ERICH6: variants seen among roughly 807,000 people sequenced by gnomAD.
The protein encoded by ERICH6 is glutamate-rich protein 6.
In ERICH6, 71 loss-of-function variants were observed where a neutral mutation model predicts 71.0. The ratio of observed to expected loss-of-function variants is 1.00; its 90% confidence interval spans 0.83 to 1.22. ERICH6 has a LOEUF of 1.22. ERICH6 is among the 50% of genes most tolerant of loss of function. The pLI is 0.00. For missense variants in ERICH6, 808 were observed against 797.2 expected (o/e 1.01, Z -0.16); for synonymous variants, 262 against 278.4 (o/e 0.94, Z 0.59).
intron 10 of ERICH6, among the ~76,000 whole-genome samples, chr3:150,675,143 A>G (rs539266912): frequency 7.9e-5 from 12 of 152,188 alleles, no homozygotes; most frequent in Non-Finnish European, 1.3e-4. Context: ...AAAAAATAAG[A>G]GGTAGGCTAA....
intron 1 of ERICH6, among the ~76,000 whole-genome samples, chr3:150,702,885 T>C (rs553079715): frequency 1.1e-5 from 1 of 92,674 alleles, no homozygotes; most frequent in East Asian, 6.1e-4. Flanking sequence ...CTGGAAATAA[T>C]ATGAGTGTGT....
chr3:150,673,194 C>T (rs1711531360), intron 11 of ERICH6, among the ~76,000 whole-genome samples: 1 of 150,180 alleles, frequency 6.7e-6, no homozygotes, highest in Non-Finnish European at 1.5e-5. Context: ...TCTCTTTCCT[C>T]TCTCTTTCTT....
At chr3:150,676,818 A>AAT (rs1219342401) in intron 10 of ERICH6, among the ~76,000 whole-genome samples, 32 of 145,014 alleles carry the variant, frequency 2.2e-4, no homozygotes, top group African/African-American at 7.8e-4. Flanking sequence ...TTAAAAAAAA[A>AAT]TTTTTTTTTT....
intron 13 of ERICH6, among the ~76,000 whole-genome samples, chr3:150,663,588 C>G (rs1356544188): frequency 6.6e-6 from 1 of 152,108 alleles, no homozygotes. Context: ...TATCCTTTCA[C>G]CTCAGCCTCC....
intron 3 of ERICH6, among the ~76,000 whole-genome samples, chr3:150,693,050 T>G (rs1712513795): frequency 6.6e-6 from 1 of 152,212 alleles, no homozygotes; most frequent in Non-Finnish European, 1.5e-5. Flanking sequence ...GATCCTTTGT[T>G]TTGTTTTTCA....
At position 150,678,536 on chromosome 3, in the gene ERICH6, G is replaced by A. The variant is rs1380983435; in HGVS notation, c.1130C>T (p.Thr377Ile). The change falls in exon 10 of 14, where the codon ACA becomes ATA. Residue 377 changes from threonine to isoleucine, a missense_variant. Thr to Ile is a moderately conservative substitution (Grantham distance 89). Coordinates refer to ENST00000295910, the MANE Select transcript of ERICH6 (RefSeq NM_152394.5). ...ATCCACAGAAAGTTGATAAGAAATT[G>A]TTTTTAAGCGCTTTGAATCTAGTGG... ...FSEDDSKRLK[T>I]ISYQLSVDIP... The A allele has an allele frequency of 1.3e-6, 2 of 1,598,454 alleles. No individual in the cohort carries two copies. Among genetic ancestry groups the A allele is most frequent in the Admixed American group, 1.8e-5 (1 of 55,284 alleles).
In ERICH6 at chr3:150,669,325, A is replaced by C; in HGVS notation, c.1470T>G (p.Ser490Arg). 6.2e-7 allele frequency: 1 copy of C among 1,611,602 alleles called. No homozygotes were observed. The highest frequency in any genetic ancestry group is 8.5e-7 in the Non-Finnish European group (1 of 1,179,106). Residue 490 changes from serine (S) to arginine (R), a missense_variant, in exon 12 of 14, where the codon AGT becomes AGG. Ser to Arg is a moderately radical substitution (Grantham distance 110, BLOSUM62 -1). Transcript: ENST00000295910. Reference sequence around the variant, plus strand: ...CATTTCCATTGGGATGATAGCAGGAACTTCTGCCAGAGGAATCCAGCACTG... The same window carrying C: ...CATTTCCATTGGGATGATAGCAGGACCTTCTGCCAGAGGAATCCAGCACTG... ...ILAVLDSSGR[S>R]SCYHPNGNVW...
chr3:150,680,661 C>T, intron 8 of ERICH6, 112 bp downstream of exon 8: 3 of 1,552,088 alleles, frequency 1.9e-6, no homozygotes, highest in Non-Finnish European at 2.6e-6. Flanking sequence ...ACTTGTGAAT[C>T]TAGGAAATAC....
In ERICH6 at chr3:150,660,065, A is replaced by G. The variant is rs1395712025; in HGVS notation, c.1819T>C (p.Phe607Leu). ...TTCACACATCCTTCAAGTTTATGAA[A>G]CAGGCGACGGATCTTTATTAAACTG... ...LASLIKIRRL[F>L]HKLEGCVNFP... Residue 607 changes from phenylalanine to leucine, a missense_variant, in exon 14 of 14, where the codon TTT (phenylalanine) becomes CTT (leucine). By Grantham distance (22) the Phe-to-Leu change is conservative. This residue lies in a region of ERICH6 where 736 missense variants were observed against 712.2 expected (regional missense o/e 1.03). Coordinates refer to ENST00000295910, the MANE Select transcript of ERICH6 (RefSeq NM_152394.5). The G allele has an allele frequency of 3.1e-6, 5 of 1,614,126 alleles. No individual in the cohort carries two copies. The highest frequency in any genetic ancestry group is 4.2e-6 in the Non-Finnish European group (5 of 1,180,028).
intron 7 of ERICH6, 72 bp downstream of exon 7, chr3:150,682,146 A>G: frequency 1.5e-6 from 2 of 1,292,174 alleles, no homozygotes; most frequent in Middle Eastern, 1.9e-4. Flanking sequence ...TGCAGGGGAA[A>G]GATGCAAGAG....
chr3:150,688,862 C>T (rs1339267573), intron 3 of ERICH6, among the ~76,000 whole-genome samples: 1 of 152,204 alleles, frequency 6.6e-6, no homozygotes. Flanking sequence ...TAAAACCAAA[C>T]TGTGCTCTGA....
intron 3 of ERICH6, among the ~76,000 whole-genome samples, chr3:150,688,643 A>G (rs1712294698): frequency 6.6e-6 from 1 of 152,238 alleles, no homozygotes; most frequent in Non-Finnish European, 1.5e-5. Flanking sequence ...GCCTCTGCTC[A>G]CTGAGATTAA....
rs970042307 is a variant in ERICH6, at chr3:150,702,238, C to T, written c.404-60G>A. ...CTCTAAATCAAAAGGTCAATTCTAC[C>T]CCCCCCAGGAACACATGGCAATGTC... On this transcript the variant is annotated intron_variant, in intron 1 of 13. Coordinates refer to ENST00000295910, the MANE Select transcript of ERICH6 (RefSeq NM_152394.5). The T allele has an allele frequency of 1.7e-5, 18 of 1,032,760 alleles. 1 individual carries two copies. In the Admixed American group the frequency reaches 3.3e-4, roughly 19 times the overall value. 64.0% of individuals were successfully genotyped at this position (1,032,760 alleles called of 1,614,324 possible).
intron 3 of ERICH6, among the ~76,000 whole-genome samples, chr3:150,690,373 A>C (rs1447444780): frequency 6.6e-6 from 1 of 151,932 alleles, no homozygotes; most frequent in Non-Finnish European, 1.5e-5. Context: ...GTTGTGAAAC[A>C]GGTTATCAAG....
chr3:150,659,929 A>G lies in ERICH6; in HGVS notation c.1955T>C (p.Met652Thr). Residue 652 changes from methionine (M) to threonine (T), a missense_variant, in exon 14 of 14, where the codon ATG becomes ACG. Transcript: ENST00000295910. ...CHSSGIKQDI[M>T]KTIRNIINEE... ...ATTTATTATATTTCTTATTGTCTTC[A>G]TTATATCTTGCTTTATACCAGAACT... The G allele has an allele frequency of 6.2e-7, 1 of 1,610,218 alleles. No individual in the cohort carries two copies. The highest frequency in any genetic ancestry group is 8.5e-7 in the Non-Finnish European group (1 of 1,176,652).
At chr3:150,663,524 G>A (rs1727295180) in intron 13 of ERICH6, among the ~76,000 whole-genome samples, 1 of 148,470 alleles carries the variant, frequency 6.7e-6, no homozygotes, top group Admixed American at 6.7e-5. Context: ...GCACAATCAC[G>A]GCTCATGCAG....
intron 3 of ERICH6, 101 bp from the exon 4 acceptor site, chr3:150,686,455 G>A: frequency 1.1e-6 from 1 of 938,000 alleles, no homozygotes; most frequent in South Asian, 1.5e-5. Context: ...CCCTTACTAT[G>A]TTTCTTTTAT....
chr3:150,674,109 G>A, intron 10 of ERICH6, 68 bp from the exon 11 acceptor site: 1 of 1,283,846 alleles, frequency 7.8e-7, no homozygotes, highest in South Asian at 1.2e-5. Flanking sequence ...CGACAACAAT[G>A]GACATCAGCT....
At chr3:150,692,848 T>C (rs1230333050) in intron 3 of ERICH6, among the ~76,000 whole-genome samples, 1 of 152,108 alleles carries the variant, frequency 6.6e-6, no homozygotes, top group Non-Finnish European at 1.5e-5. Context: ...GTTATAAAAC[T>C]CTTAACAGGT....
Sources: gnomAD v4.1 joint callset for allele counts (sites outside exome capture counted in the v4.1 genomes callset) on GRCh38, gnomAD v4.1.1 for gene constraint, gnomAD v4.1.1 regional missense constraint, MANE v1.5 for transcripts, NCBI Gene and HGNC (gene_info 2026-07-23, HGNC 2026-07-21) for gene names.